Variants in EBF3 observed in about 807,000 individuals in gnomAD.
The protein encoded by EBF3 is transcription factor COE3.
A neutral mutation model predicts 77.1 loss-of-function variants in EBF3; 18 were observed. That is an observed-to-expected ratio of 0.23 (90% CI 0.16 to 0.35). The LOEUF (loss-of-function observed/expected upper bound fraction) is 0.35. Among genes scored for constraint, EBF3 ranks in the 10% least tolerant of loss-of-function variants. The pLI is 1.00. For synonymous variants in EBF3, 350 were observed against 343.5 expected, an observed-to-expected ratio of 1.02 and a Z score of -0.21; for missense variants, 558 against 860.0, an observed-to-expected ratio of 0.65 and a Z score of 4.39.
At position 129,836,022 on chromosome 10, in the gene EBF3, G is replaced by A. The variant is rs1456494461; in HGVS notation, c.*1921C>T. 6.6e-6 allele frequency: 1 copy of A among 152,612 alleles called. No individual in the cohort carries two copies. The highest frequency in any genetic ancestry group is 2.4e-5 in the African/African-American group (1 of 41,450). 9.5% of individuals were successfully genotyped at this position (152,612 alleles called of 1,614,324 possible). Reference sequence around the variant, plus strand: ...AACCAGCAGTGATTTGGGTCCCCCTGAAACCTCTGTGAATCGGAGGTGGGC... The same window carrying A: ...AACCAGCAGTGATTTGGGTCCCCCTAAAACCTCTGTGAATCGGAGGTGGGC... On this transcript the variant is annotated 3_prime_UTR_variant, in exon 17 of 17. Transcript: ENST00000440978.
At chr10:129,940,868 A>G (rs1363266922) in intron 6 of EBF3, among the ~76,000 whole-genome samples, 1 of 152,162 alleles carries the variant, frequency 6.6e-6, no homozygotes, top group Non-Finnish European at 1.5e-5. Flanking sequence ...TAAACATCCC[A>G]CACTCGATCC....
intron 6 of EBF3, among the ~76,000 whole-genome samples, chr10:129,930,850 C>T (rs1856975239): frequency 6.7e-6 from 1 of 149,976 alleles, no homozygotes; most frequent in South Asian, 2.1e-4. Flanking sequence ...CTGTCTATAT[C>T]TATCTCTATA....
chr10:129,867,377 G>A (rs1432990126), intron 9 of EBF3, 110 bp from the exon 10 acceptor site: 2 of 1,503,728 alleles, frequency 1.3e-6, no homozygotes, highest in African/African-American at 1.4e-5. Flanking sequence ...CCATCGTCTT[G>A]GAATGCCCCC....
At chr10:129,843,064 T>G in intron 12 of EBF3, 73 bp downstream of exon 12, 1 of 1,488,184 alleles carries the variant, frequency 6.7e-7, no homozygotes, top group South Asian at 1.2e-5. Context: ...AAGCCCACAC[T>G]GGAGCCACGC....
At chr10:129,960,805 T>C (rs9804201) in intron 4 of EBF3, among the ~76,000 whole-genome samples, 62,328 of 151,990 alleles carry the variant, frequency 0.41, 15,282 homozygotes, top group South Asian at 0.57. Flanking sequence ...GCTGCCTACA[T>C]AAACCTCTTA....
At chr10:129,850,760 G>C (rs1345050076) in intron 10 of EBF3, among the ~76,000 whole-genome samples, 1 of 152,222 alleles carries the variant, frequency 6.6e-6, no homozygotes, top group African/African-American at 2.4e-5. Flanking sequence ...ATCCACCTCT[G>C]TGCCCCCAAG....
chr10:129,914,435 T>C (rs929092614), intron 6 of EBF3, among the ~76,000 whole-genome samples: 3 of 152,124 alleles, frequency 2.0e-5, no homozygotes, highest in Non-Finnish European at 2.9e-5. Context: ...TGCAAGGTGC[T>C]TTCGAAAATA....
rs1233051186 is a variant in EBF3 at position 129,897,835 on chromosome 10, C to A, written c.555-19986G>T. ...TTGTGGGTATGCGAGTACATGGCGGCCAGAGGCAGATATCATTGAACTTTG... is the reference window on the plus strand; with the variant it reads ...TTGTGGGTATGCGAGTACATGGCGGACAGAGGCAGATATCATTGAACTTTG... On this transcript the variant is annotated intron_variant, in intron 6 of 16. Transcript: ENST00000440978. The surrounding 1 kb of genome is among the most constrained non-coding windows in gnomAD (Gnocchi z 4.6). Among the ~76,000 whole-genome samples the A allele has an allele frequency of 6.6e-6, 1 of 152,166 alleles. No homozygotes were observed. The highest frequency in any genetic ancestry group is 1.5e-5 in the Non-Finnish European group (1 of 68,038).
In EBF3 at chr10:129,840,402, G is replaced by T; in HGVS notation, c.1602C>A (p.Thr534=). The T allele has an allele frequency of 6.4e-7, 1 of 1,552,612 alleles. No individual in the cohort carries two copies. ...SSPTMAASSV[T]LPSNCSSTHG... is the part of the protein sequence containing the mutation. ...GTGTGCTGCTACAGTTTGAAGGGAG[G>T]GTGACCGAAGAGGCTGCCATGGTGG... Residue 534 remains threonine (T), a synonymous_variant, in exon 15 of 17, where the codon ACC becomes ACA. Coordinates refer to ENST00000440978, the MANE Select transcript of EBF3 (RefSeq NM_001375380.1).
rs1163251032 is a variant in EBF3 at position 129,873,592 on chromosome 10, A to G, written c.641T>C (p.Val214Ala). 6.5e-7 allele frequency: 1 copy of G among 1,534,744 alleles called. No homozygotes were observed. The highest frequency in any genetic ancestry group is 8.8e-7 in the Non-Finnish European group (1 of 1,138,582). The change falls in exon 8 of 17, where the codon GTT (valine) becomes GCT (alanine). Residue 214 changes from valine to alanine, a missense_variant. Physicochemically the swap from Val to Ala is moderately conservative, Grantham distance 64. This residue lies in a region of EBF3 where 112 missense variants were observed against 207.7 expected (regional missense o/e 0.54). Transcript: ENST00000440978. ...NPRDMRRFQV[V>A]VSTTVNVDGH... ...GTCCACGTTGACTGTTGTCGATACA[A>G]CAACCTGCAAAGATGAAGTGGATTT... is the stretch of plus-strand genomic sequence containing the variant.
intron 6 of EBF3, among the ~76,000 whole-genome samples, chr10:129,888,607 G>T (rs2134183941): frequency 6.6e-6 from 1 of 152,344 alleles, no homozygotes; most frequent in East Asian, 1.9e-4. Flanking sequence ...GATGCCCAGA[G>T]CGGGTCCCGG....
chr10:129,916,039 A>G (rs1855864797), intron 6 of EBF3, among the ~76,000 whole-genome samples: 1 of 152,222 alleles, frequency 6.6e-6, no homozygotes, highest in African/African-American at 2.4e-5. Flanking sequence ...AGGAAATTCA[A>G]TGGGGTCCCA....
intron 7 of EBF3, among the ~76,000 whole-genome samples, chr10:129,874,875 C>T (rs1852645422): frequency 6.6e-6 from 1 of 152,152 alleles, no homozygotes; most frequent in South Asian, 2.1e-4. Flanking sequence ...AGTGTTGGGT[C>T]CGCACATGTA....
At chr10:129,918,559 G>A (rs1321446162) in intron 6 of EBF3, among the ~76,000 whole-genome samples, 6 of 152,250 alleles carry the variant, frequency 3.9e-5, no homozygotes, top group East Asian at 1.9e-4. Context: ...GCCCTCCTCC[G>A]CACCACCAAC....
chr10:129,844,193 G>A (rs1340661138), intron 11 of EBF3, among the ~76,000 whole-genome samples: 1 of 152,154 alleles, frequency 6.6e-6, no homozygotes, highest in Non-Finnish European at 1.5e-5. Flanking sequence ...CGGACCCCAG[G>A]CCCGGTCTAG....
chr10:129,949,072 G>A (rs1190765718), intron 6 of EBF3, among the ~76,000 whole-genome samples: 6 of 152,196 alleles, frequency 3.9e-5, no homozygotes, highest in Non-Finnish European at 2.9e-5. Context: ...GCCAAGGCCC[G>A]AGGATCACCT....
intron 6 of EBF3, among the ~76,000 whole-genome samples, chr10:129,933,158 T>C (rs1479884773): frequency 6.6e-6 from 1 of 152,182 alleles, no homozygotes; most frequent in African/African-American, 2.4e-5. Flanking sequence ...GCCACGGTGA[T>C]CATATCTGCC....
intron 6 of EBF3, among the ~76,000 whole-genome samples, chr10:129,890,292 C>CT (rs1201111559): frequency 1.3e-5 from 2 of 152,342 alleles, no homozygotes; most frequent in East Asian, 3.9e-4. Context: ...TGACCCTGAA[C>CT]TGTGGCCTGG....
chr10:129,880,900 C>A (rs1853159966), intron 6 of EBF3, among the ~76,000 whole-genome samples: 1 of 152,224 alleles, frequency 6.6e-6, no homozygotes, highest in South Asian at 2.1e-4. Flanking sequence ...TGCAGAGTTA[C>A]ACACGGAGCA....
Sources: gnomAD v4.1 joint callset for allele counts (sites outside exome capture counted in the v4.1 genomes callset) on GRCh38, gnomAD v4.1.1 for gene constraint, gnomAD v4.1.1 regional missense constraint, Gnocchi (gnomAD v3.1) non-coding constraint, MANE v1.5 for transcripts, NCBI Gene and HGNC (gene_info 2026-07-23, HGNC 2026-07-21) for gene names.